CPA6: variants seen among roughly 807,000 people sequenced by gnomAD.
CPA6 encodes the protein carboxypeptidase B.
A neutral mutation model predicts 63.3 loss-of-function variants in CPA6; 58 were observed. The ratio of observed to expected loss-of-function variants is 0.92; its 90% CI spans 0.74 to 1.14. The LOEUF (loss-of-function observed/expected upper bound fraction) is 1.14, where lower values mean the gene tolerates loss of function less well. Ranked by LOEUF, CPA6 falls within the 50% of genes most tolerant of loss-of-function variation. The pLI is 0.00. For synonymous variants in CPA6, 185 were observed against 179.0 expected (o/e 1.03, Z -0.27); for missense variants, 565 against 526.6 (o/e 1.07, Z -0.71).
At chr8:67,732,734 C>G (rs983273034) in intron 1 of CPA6, 11 of 152,374 alleles carry the variant, frequency 7.2e-5, no homozygotes, top group African/African-American at 2.4e-4. Context: ...AGACAAAGGA[C>G]AGAGAACGAA....
chr8:67,426,203 A>G (rs1809879819), intron 10 of CPA6, among the ~76,000 whole-genome samples: 1 of 152,206 alleles, frequency 6.6e-6, no homozygotes, highest in Non-Finnish European at 1.5e-5. Flanking sequence ...TCCTGACCTC[A>G]GATGATCCAC....
chr8:67,664,857 G>A (rs866979024), intron 1 of CPA6, among the ~76,000 whole-genome samples: 3 of 152,122 alleles, frequency 2.0e-5, no homozygotes, highest in African/African-American at 4.8e-5. Context: ...TTGGGCAATC[G>A]TGTATCATGT....
At chr8:67,582,416 T>A (rs961393389) in intron 2 of CPA6, among the ~76,000 whole-genome samples, 2 of 152,156 alleles carry the variant, frequency 1.3e-5, no homozygotes, top group African/African-American at 4.8e-5. Context: ...ATAGTATAAG[T>A]CCTGGCCAAC....
intron 10 of CPA6, among the ~76,000 whole-genome samples, chr8:67,425,407 C>T (rs1809860827): frequency 6.6e-6 from 1 of 152,174 alleles, no homozygotes; most frequent in South Asian, 2.1e-4. Flanking sequence ...TGGAGTCTCC[C>T]TCTGGCACCC....
chr8:67,462,194 G>A (rs537196766), intron 8 of CPA6, among the ~76,000 whole-genome samples: 5 of 151,172 alleles, frequency 3.3e-5, no homozygotes, highest in Non-Finnish European at 5.9e-5. Flanking sequence ...GTGTTTTTAA[G>A]CAAAAAGCCA....
At chr8:67,668,333 G>A (rs1011983272) in intron 1 of CPA6, among the ~76,000 whole-genome samples, 10 of 152,116 alleles carry the variant, frequency 6.6e-5, no homozygotes, top group South Asian at 6.2e-4. Context: ...AAATATATTC[G>A]CACTCAATAA....
chr8:67,516,479 C>T (rs1172842539), intron 3 of CPA6, among the ~76,000 whole-genome samples: 1 of 152,222 alleles, frequency 6.6e-6, no homozygotes, highest in Non-Finnish European at 1.5e-5. Flanking sequence ...AATCCCAAAT[C>T]TACCAGTTAG....
chr8:67,472,393 T>C (rs113779597), intron 8 of CPA6, among the ~76,000 whole-genome samples: 14 of 100,578 alleles, frequency 1.4e-4, no homozygotes, highest in African/African-American at 7.1e-4. Flanking sequence ...TTATTTTATT[T>C]TATTTTATTT....
At chr8:67,720,975 T>C (rs942508007) in intron 1 of CPA6, among the ~76,000 whole-genome samples, 16 of 152,230 alleles carry the variant, frequency 1.1e-4, no homozygotes, top group African/African-American at 3.9e-4. Context: ...AAATATTTAC[T>C]AAGCAACCCA....
chr8:67,501,109 G>C (rs1811822303), intron 6 of CPA6, among the ~76,000 whole-genome samples: 1 of 151,866 alleles, frequency 6.6e-6, no homozygotes, highest in African/African-American at 2.4e-5. Flanking sequence ...AAAAAGTCTT[G>C]CTGAAATTTT....
chr8:67,624,937 A>G (rs554561228), intron 1 of CPA6, among the ~76,000 whole-genome samples: 10 of 152,282 alleles, frequency 6.6e-5, no homozygotes, highest in African/African-American at 2.2e-4. Flanking sequence ...AATCACTGAG[A>G]AGATGATTAT....
intron 2 of CPA6, among the ~76,000 whole-genome samples, chr8:67,584,334 C>T (rs908426815): frequency 6.6e-6 from 1 of 152,034 alleles, no homozygotes; most frequent in Non-Finnish European, 1.5e-5. Flanking sequence ...GAATAGCCCT[C>T]CTATTCTTTG....
chr8:67,486,035 T>G (rs533147085), intron 6 of CPA6, among the ~76,000 whole-genome samples: 1 of 152,368 alleles, frequency 6.6e-6, no homozygotes, highest in East Asian at 1.9e-4. Context: ...TTGAACACAT[T>G]AAGGAGGTTC....
chr8:67,498,271 C>T (rs539662970), intron 6 of CPA6, among the ~76,000 whole-genome samples: 1 of 152,136 alleles, frequency 6.6e-6, no homozygotes, highest in East Asian at 1.9e-4. Context: ...CATGGTGGCT[C>T]ACATCTGTAA....
At chr8:67,475,802 TTTCTTTCTTTCTTTCCTTTCTTTTC>T (rs1811174208) in intron 8 of CPA6, among the ~76,000 whole-genome samples, 2 of 57,766 alleles carry the variant, frequency 3.5e-5, no homozygotes, top group Admixed American at 1.6e-4. Flanking sequence ...TCTTTCTTTC[TTTCTTTCTTTCTTTCCTTTCTTTTC>T]TTTCTTTCTT....
At chr8:67,453,668 A>G (rs1810606281) in intron 8 of CPA6, among the ~76,000 whole-genome samples, 1 of 151,706 alleles carries the variant, frequency 6.6e-6, no homozygotes, top group African/African-American at 2.4e-5. Context: ...AAAAAAGAGG[A>G]CCAACAAAAT....
chr8:67,459,465 G>T (rs1310836300), intron 8 of CPA6, among the ~76,000 whole-genome samples: 1 of 152,244 alleles, frequency 6.6e-6, no homozygotes, highest in Non-Finnish European at 1.5e-5. Flanking sequence ...GCAATAAAGA[G>T]ACATGGAGGA....
rs1315930637 is a variant in CPA6 at position 67,746,048 on chromosome 8, C to T, written c.82G>A (p.Gly28Arg). ...CGGTTGTTATAAAGGTGGCTGTGCC[C>T]CGGTTGCAGAATCTTCAAAAAGAGC... ...CWLFLKILQP[G>R]HSHLYNNRYA... Residue 28 changes from glycine (G) to arginine (R), a missense_variant, in exon 1 of 11, where the codon GGG becomes AGG. Coordinates refer to ENST00000297770, the MANE Select transcript of CPA6 (RefSeq NM_020361.5). 6.2e-7 allele frequency: 1 copy of T among 1,613,518 alleles called. No individual in the cohort carries two copies. The highest frequency in any genetic ancestry group is 1.3e-5 in the African/African-American group (1 of 74,868).
intron 1 of CPA6, among the ~76,000 whole-genome samples, chr8:67,691,387 G>C (rs573483040): frequency 3.0e-4 from 46 of 152,290 alleles, no homozygotes; most frequent in African/African-American, 1.0e-3. Flanking sequence ...TCACTGGCAC[G>C]TGGCTGGAAA....
Sources: allele counts gnomAD v4.1 joint callset (sites outside exome capture counted in the v4.1 genomes callset), GRCh38; gene constraint gnomAD v4.1.1; transcripts MANE v1.5; gene names NCBI Gene and HGNC (gene_info 2026-07-23, HGNC 2026-07-21).